The following PPM1F variants were observed in gnomAD, a reference collection of about 807,000 sequenced individuals.
The protein encoded by PPM1F is protein phosphatase 1F.
PPM1F carries 17 observed loss-of-function variants against 35.5 expected under a neutral mutation model. That is an observed-to-expected ratio of 0.48 (90% CI 0.33 to 0.72). The LOEUF is 0.72. Among genes scored for constraint, PPM1F ranks in the 30% least tolerant of loss-of-function variants. The pLI, the probability that PPM1F is intolerant of heterozygous loss-of-function variation, is 0.02. For missense variants in PPM1F, 521 were observed against 613.0 expected, an observed-to-expected ratio of 0.85 and a Z score of 1.59; for synonymous variants, 241 against 255.5, an observed-to-expected ratio of 0.94 and a Z score of 0.54.
At chr22:21,944,456 G>C (rs984867633) in intron 2 of PPM1F, 2 of 152,120 alleles carry the variant, frequency 1.3e-5, no homozygotes, top group Non-Finnish European at 2.9e-5. Context: ...TGCACACTTG[G>C]GGGATACTGA....
rs1417109396 is a variant in PPM1F at position 21,933,730 on chromosome 22, G to A, written c.559-151C>T. 6.5e-6 allele frequency: 5 copies of A among 765,344 alleles called. No homozygotes were observed. In the East Asian group the frequency reaches 1.4e-4, roughly 21 times the overall value. 47.4% of individuals were successfully genotyped at this position (765,344 alleles called of 1,614,324 possible). ...GTATGAGGGGGTAGGTTTGGAAAAG[G>A]ACAGCTCGCGGGAGCCTCGGTTTCA... On this transcript the variant is annotated intron_variant, in intron 4 of 7. Transcript: ENST00000263212.
intron 4 of PPM1F, 46 bp downstream of exon 4, chr22:21,933,978 C>T (rs2070627266): frequency 6.7e-7 from 1 of 1,501,946 alleles, no homozygotes; most frequent in Non-Finnish European, 9.0e-7. Context: ...CCACCCTCGC[C>T]CCGGTCCTCC....
chr22:21,951,485 A>G (rs1569134029), intron 1 of PPM1F: 1 of 150,528 alleles, frequency 6.6e-6, no homozygotes, highest in East Asian at 2.0e-4. Flanking sequence ...CCTCCTGAGT[A>G]GCTAGGATTA....
At chr22:21,947,143 T>C (rs199725385) in intron 1 of PPM1F, 18,267 of 152,614 alleles carry the variant, frequency 0.12, 1,180 homozygotes, top group African/African-American at 0.13. Context: ...AGGGTGGCTC[T>C]GGCTCCTCTT....
intron 6 of PPM1F, among the ~76,000 whole-genome samples, chr22:21,930,430 C>T (rs952924307): frequency 2.6e-5 from 4 of 152,136 alleles, no homozygotes; most frequent in Admixed American, 6.5e-5. Context: ...TTTTTAGCAC[C>T]GAAAGACTGA....
At chr22:21,927,278 C>T (rs189689253) in intron 6 of PPM1F, among the ~76,000 whole-genome samples, 85 of 152,310 alleles carry the variant, frequency 5.6e-4, no homozygotes, top group African/African-American at 1.8e-3. Context: ...ACACAGAGTA[C>T]GCACGAATGT....
At position 21,939,159 on chromosome 22, in the gene PPM1F, A is replaced by AT. The variant is rs2070696795; in HGVS notation, c.355+372_355+373insA. ...CCGGGCGCATGTTAACTGAGTTACA[A>AT]CACTGAGGGCACTTGAACCTGGCTG... On this transcript the variant is annotated intron_variant, in intron 3 of 7. Transcript: ENST00000263212. This position sits in a 1 kb window ranked among gnomAD's most constrained non-coding sequence, Gnocchi z 5.1. 2 of 194,328 alleles carry AT rather than the reference A, an allele frequency of 1.0e-5. No individual in the cohort carries two copies. Among genetic ancestry groups the AT allele is most frequent in the South Asian group, 1.7e-4 (2 of 11,516 alleles). The allele number at this position is 194,328 out of a possible 1,614,324, so 12.0% of individuals were successfully genotyped here.
intron 6 of PPM1F, among the ~76,000 whole-genome samples, chr22:21,926,728 A>G (rs2070520735): frequency 6.6e-6 from 1 of 152,168 alleles, no homozygotes; most frequent in Admixed American, 6.5e-5. Context: ...CCGGTTTATC[A>G]GGTAAACCTC....
intron 6 of PPM1F, 149 bp downstream of exon 6, chr22:21,930,999 G>C: frequency 7.6e-7 from 1 of 1,321,330 alleles, no homozygotes; most frequent in Non-Finnish European, 1.0e-6. Flanking sequence ...TGGGACCCCC[G>C]GCCACTCAAA....
Position 21,939,198 on chromosome 22 carries a change from C to T in PPM1F, c.355+334G>A, listed in dbSNP as rs577912242. On this transcript the variant is annotated intron_variant, in intron 3 of 7. Coordinates refer to ENST00000263212, the MANE Select transcript of PPM1F (RefSeq NM_014634.4). The surrounding 1 kb of genome is among the most constrained non-coding windows in gnomAD (Gnocchi z 5.1). ...TGAACCTGGCTGCATGACCAGAGAT[C>T]GATCACCTGTGAGATCCTCTGTGAA... 4.4e-5 allele frequency: 11 copies of T among 248,000 alleles called. No individual in the cohort carries two copies. The South Asian group carries it at 6.6e-4, about 15-fold the overall frequency. The allele number at this position is 248,000 out of a possible 1,614,324, so 15.4% of individuals were successfully genotyped here.
At chr22:21,938,250 G>A (rs2070683816) in intron 3 of PPM1F, 1 of 1,299,886 alleles carries the variant, frequency 7.7e-7, no homozygotes, top group Non-Finnish European at 1.0e-6. Context: ...GACCCATCAG[G>A]CGGGGAGGGC....
chr22:21,933,644 G>A (rs544317065), intron 4 of PPM1F, 65 bp from the exon 5 acceptor site: 14 of 1,424,522 alleles, frequency 9.8e-6, no homozygotes, highest in Middle Eastern at 1.8e-4. Context: ...GGGGCGTGGC[G>A]CCAGGCACTG....
intron 2 of PPM1F, chr22:21,941,262 T>G (rs969866335): frequency 6.6e-6 from 1 of 152,376 alleles, no homozygotes; most frequent in African/African-American, 2.4e-5. Context: ...ATGGGGCTTT[T>G]AGGCCTCTCT....
At chr22:21,930,629 T>C (rs1383868894) in intron 6 of PPM1F, among the ~76,000 whole-genome samples, 2 of 152,174 alleles carry the variant, frequency 1.3e-5, no homozygotes, top group East Asian at 1.9e-4. Flanking sequence ...TTCCATGATA[T>C]CTGAATGCTC....
chr22:21,929,049 C>A (rs1487440312), intron 6 of PPM1F, among the ~76,000 whole-genome samples: 3 of 152,192 alleles, frequency 2.0e-5, no homozygotes, highest in African/African-American at 7.2e-5. Context: ...GCACTCCCCC[C>A]ACGTACTCCT....
chr22:21,924,261 G>A (rs2070483458), intron 7 of PPM1F, among the ~76,000 whole-genome samples: 1 of 144,866 alleles, frequency 6.9e-6, no homozygotes. Context: ...GATGCAGGCT[G>A]GACCCACTTT....
At chr22:21,946,611 C>G (rs956723631) in intron 1 of PPM1F, 2 of 152,970 alleles carry the variant, frequency 1.3e-5, no homozygotes, top group Admixed American at 1.3e-4. Flanking sequence ...ATGCGGGAGG[C>G]CGGCCCAGGG....
At chr22:21,933,765 A>G (rs2070623979) in intron 4 of PPM1F, among the ~76,000 whole-genome samples, 186 bp from the exon 5 acceptor site, 1 of 152,138 alleles carries the variant, frequency 6.6e-6, no homozygotes, top group African/African-American at 2.4e-5. Flanking sequence ...ACCATCTGTT[A>G]TGAGTTGCTA....
intron 3 of PPM1F, chr22:21,937,231 G>C (rs1274550708): frequency 6.6e-6 from 1 of 152,656 alleles, no homozygotes; most frequent in African/African-American, 2.4e-5. Context: ...GGAAGAAAAG[G>C]AGAAGGGCTG....
Sources: allele counts gnomAD v4.1 joint callset (sites outside exome capture counted in the v4.1 genomes callset), GRCh38; gene constraint gnomAD v4.1.1; non-coding constraint Gnocchi (gnomAD v3.1); transcripts MANE v1.5; gene names NCBI Gene and HGNC (gene_info 2026-07-23, HGNC 2026-07-21).